FBXO25: variants seen among roughly 807,000 people sequenced by gnomAD.
FBXO25 encodes F-box protein 25.
In FBXO25, 45 loss-of-function variants were observed where a neutral mutation model predicts 51.9. That is an observed-to-expected ratio of 0.87 (90% CI 0.68 to 1.11). FBXO25 has a LOEUF of 1.11. FBXO25 is among the 50% of genes most tolerant of loss of function. The pLI, the probability that FBXO25 is intolerant of heterozygous loss-of-function variation, is 0.00. For missense variants in FBXO25, 507 were observed against 428.5 expected (o/e 1.18, Z -1.62); for synonymous variants, 199 against 151.0 (o/e 1.32, Z -2.33).
chr8:433,660 T>A (rs1470077062), intron 4 of FBXO25, among the ~76,000 whole-genome samples: 1 of 152,204 alleles, frequency 6.6e-6, no homozygotes, highest in African/African-American at 2.4e-5. Context: ...GAGTTCCTTT[T>A]ATAGGCCTAG....
At chr8:424,235 A>G (rs1028160711) in intron 2 of FBXO25, among the ~76,000 whole-genome samples, 3 of 150,010 alleles carry the variant, frequency 2.0e-5, no homozygotes, top group Non-Finnish European at 4.4e-5. Flanking sequence ...GTTTTTTTGC[A>G]TAAGTTCCCT....
intron 5 of FBXO25, among the ~76,000 whole-genome samples, chr8:441,681 A>G (rs1798434728): frequency 6.6e-6 from 1 of 152,192 alleles, no homozygotes; most frequent in African/African-American, 2.4e-5. Flanking sequence ...GAAAAAAACA[A>G]CCCCATCAAA....
At chr8:439,886 A>C (rs1798324301) in intron 5 of FBXO25, among the ~76,000 whole-genome samples, 1 of 152,234 alleles carries the variant, frequency 6.6e-6, no homozygotes, top group African/African-American at 2.4e-5. Flanking sequence ...TGGGCAACAT[A>C]GGGAGACCCT....
chr8:476,140 A>G lies in FBXO25; in HGVS notation c.*7336A>G, dbSNP rs975565435. On this transcript the variant is annotated 3_prime_UTR_variant, in exon 10 of 10. Transcript: ENST00000350302. ...AATGGAGATCACATTTTTTTCCTTC[A>G]TTCTATTAATGTAATAGACATTACA... is the stretch of plus-strand genomic sequence containing the variant. 3.3e-5 allele frequency: 5 copies of G among 151,906 alleles called. No individual in the cohort carries two copies. The highest frequency in any genetic ancestry group is 1.2e-4 in the African/African-American group (5 of 41,366). The allele number at this position is 151,906 out of a possible 1,614,324, so 9.4% of individuals were successfully genotyped here.
intron 5 of FBXO25, among the ~76,000 whole-genome samples, chr8:437,784 C>A (rs182970978): frequency 1.3e-3 from 191 of 150,682 alleles, no homozygotes; most frequent in African/African-American, 4.6e-3. Context: ...ATCATACATA[C>A]TGTGCAGGTA....
At chr8:452,065 T>C (rs928682359) in intron 7 of FBXO25, among the ~76,000 whole-genome samples, 3 of 152,206 alleles carry the variant, frequency 2.0e-5, no homozygotes, top group Admixed American at 6.5e-5. Context: ...GCGGTGTGCC[T>C]TACGTAGCCT....
chr8:451,687 G>A (rs929544788), intron 7 of FBXO25, among the ~76,000 whole-genome samples: 2 of 152,170 alleles, frequency 1.3e-5, no homozygotes, highest in African/African-American at 4.8e-5. Flanking sequence ...TCCTATGGGT[G>A]ATTAGATGTA....
Position 473,771 on chromosome 8 carries a change from G to T in FBXO25, c.*4967G>T, listed in dbSNP as rs978400996. ...AGTAAGGGAGAGCAAAAAAAATGAG[G>T]ACATCTGTGTCAAATAGAAGAGACA... On this transcript the variant is annotated 3_prime_UTR_variant, in exon 10 of 10. Coordinates refer to ENST00000350302, the MANE Select transcript of FBXO25 (RefSeq NM_183420.2). 1 of 152,012 alleles carries T rather than the reference G, an allele frequency of 6.6e-6. No individual in the cohort carries two copies. The highest frequency in any genetic ancestry group is 2.4e-5 in the African/African-American group (1 of 41,370). 9.4% of individuals were successfully genotyped at this position (152,012 alleles called of 1,614,324 possible).
At chr8:468,623 C>T (rs1031962473) in intron 9 of FBXO25, 92 bp from the exon 10 acceptor site, 3 of 942,906 alleles carry the variant, frequency 3.2e-6, no homozygotes, top group African/African-American at 1.6e-5. Flanking sequence ...CCAGGGTCCA[C>T]ATCAACAAGC....
intron 4 of FBXO25, among the ~76,000 whole-genome samples, chr8:434,786 A>G (rs746832377): frequency 3.3e-4 from 51 of 152,248 alleles, no homozygotes; most frequent in Non-Finnish European, 6.2e-4. Context: ...TAGTGTGCTA[A>G]TCTATACAAA....
At chr8:466,996 T>G (rs1054793839) in intron 9 of FBXO25, among the ~76,000 whole-genome samples, 2 of 152,190 alleles carry the variant, frequency 1.3e-5, no homozygotes, top group Non-Finnish European at 2.9e-5. Flanking sequence ...GTGTATCAGT[T>G]GCCAGAATAG....
chr8:441,169 T>C lies in FBXO25; in HGVS notation c.381+5462T>C, dbSNP rs185754300. Among the ~76,000 whole-genome samples the C allele has an allele frequency of 1.2e-3, 175 of 152,070 alleles. 3 individuals are homozygous for C. Among genetic ancestry groups the C allele is most frequent in the Admixed American group, 0.011 (169 of 15,276 alleles). The stretch of plus-strand genomic sequence containing the variant: ...CATGATACTGGTACCAAAACAGATA[T>C]ATAGACCAATGGAACAGAACAGAGG... On this transcript the variant is annotated intron_variant, in intron 5 of 9. Transcript: ENST00000350302.
chr8:431,853 A>G (rs1330859887), intron 3 of FBXO25, among the ~76,000 whole-genome samples: 3 of 152,128 alleles, frequency 2.0e-5, no homozygotes, highest in South Asian at 4.1e-4. Context: ...GGTGGGACCT[A>G]TCTATGTGAG....
chr8:413,835 G>C (rs1346947061), intron 2 of FBXO25, among the ~76,000 whole-genome samples: 1 of 152,218 alleles, frequency 6.6e-6, no homozygotes, highest in Non-Finnish European at 1.5e-5. Context: ...TAGCGCAAGG[G>C]ATGCTGGGGG....
intron 8 of FBXO25, among the ~76,000 whole-genome samples, chr8:462,515 T>C (rs1799879203): frequency 6.6e-6 from 1 of 152,244 alleles, no homozygotes; most frequent in African/African-American, 2.4e-5. Flanking sequence ...CACAATTTAT[T>C]TGATTTGTCA....
At chr8:431,220 T>C (rs1385025868) in intron 2 of FBXO25, 121 bp from the exon 3 acceptor site, 3 of 570,566 alleles carry the variant, frequency 5.3e-6, no homozygotes, top group Non-Finnish European at 9.4e-6. Flanking sequence ...TATTAGACAT[T>C]ACCCTTGTGA....
intron 9 of FBXO25, among the ~76,000 whole-genome samples, chr8:466,679 C>A (rs1293398923): frequency 6.6e-6 from 1 of 152,178 alleles, no homozygotes; most frequent in Non-Finnish European, 1.5e-5. Context: ...GCTCTCCAGT[C>A]AGCAGTGCTG....
rs879844250 is a variant in FBXO25, at chr8:469,883, T to G, written c.*1079T>G. 1 of 151,970 alleles carries G rather than the reference T, an allele frequency of 6.6e-6. No homozygotes were observed. Among genetic ancestry groups the G allele is most frequent in the Non-Finnish European group, 1.5e-5 (1 of 67,908 alleles). The allele number at this position is 151,970 out of a possible 1,614,324, so 9.4% of individuals were successfully genotyped here. A position where few individuals can be genotyped will look rare whatever the true frequency, so the allele number is the denominator to read the frequency against. ...ACTTTTATGGCGTTATAAATAGGAC[T>G]AAAAAAAGATTCTGGATTTTTCAGC... On this transcript the variant is annotated 3_prime_UTR_variant, in exon 10 of 10. Coordinates refer to ENST00000350302, the MANE Select transcript of FBXO25 (RefSeq NM_183420.2).
intron 1 of FBXO25, among the ~76,000 whole-genome samples, chr8:410,686 A>C (rs1796436201): frequency 6.6e-6 from 1 of 152,186 alleles, no homozygotes; most frequent in Non-Finnish European, 1.5e-5. Flanking sequence ...ATGGGCATTG[A>C]GTTTTGCATT....
Sources: gnomAD v4.1 joint callset for allele counts (sites outside exome capture counted in the v4.1 genomes callset) on GRCh38, gnomAD v4.1.1 for gene constraint, MANE v1.5 for transcripts, NCBI Gene and HGNC (gene_info 2026-07-23, HGNC 2026-07-21) for gene names.